Variants in PCDH9 observed in about 807,000 individuals in gnomAD.
PCDH9 encodes the protein protocadherin-9.
Under a neutral mutation model 70.6 loss-of-function variants are expected in PCDH9, and 24 were observed. The observed-to-expected ratio is 0.34, with a 90% CI of 0.25 to 0.48. PCDH9 has a LOEUF of 0.48. PCDH9 is among the 20% of genes least tolerant of loss of function. The pLI is 0.99. For missense variants in PCDH9, 1,281 were observed against 1,503.6 expected (o/e 0.85, Z 2.45); for synonymous variants, 562 against 558.5 (o/e 1.01, Z -0.09).
chr13:66,603,115 T>C (rs1290746201), intron 4 of PCDH9, among the ~76,000 whole-genome samples: 2 of 146,008 alleles, frequency 1.4e-5, no homozygotes, highest in African/African-American at 2.5e-5. Context: ...GATGCATGAC[T>C]ATACTCTGGA....
chr13:66,560,824 C>T lies in PCDH9; in HGVS notation c.3340+70386G>A, dbSNP rs536407369. On this transcript the variant is annotated intron_variant, in intron 4 of 4. Transcript: ENST00000377865. ...CTGCATTCTACCTGTAGAAAAGTGA[C>T]TCAACATCATTCCAGAAGTCCGGAA... 1.5e-4 allele frequency among the ~76,000 whole-genome samples: 23 copies of T among 152,344 alleles called. 1 individual carries two copies. The South Asian group carries it at 4.6e-3, about 30-fold the overall frequency.
intron 2 of PCDH9, among the ~76,000 whole-genome samples, chr13:67,027,258 C>T (rs2084802793): frequency 6.6e-6 from 1 of 152,086 alleles, no homozygotes; most frequent in Admixed American, 6.6e-5. Context: ...AGAAATAACG[C>T]CGCATATCCA....
At chr13:66,549,138 T>G (rs1961352098) in intron 4 of PCDH9, among the ~76,000 whole-genome samples, 1 of 152,082 alleles carries the variant, frequency 6.6e-6, no homozygotes, top group Admixed American at 6.6e-5. Context: ...TATATGTATT[T>G]AATGTATATA....
intron 4 of PCDH9, among the ~76,000 whole-genome samples, chr13:66,412,919 C>T (rs1957395545): frequency 6.6e-6 from 1 of 152,166 alleles, no homozygotes; most frequent in Non-Finnish European, 1.5e-5. Context: ...GCTAAACAAG[C>T]ACACACAGGG....
chr13:66,367,522 C>T (rs1956573873), intron 4 of PCDH9, among the ~76,000 whole-genome samples: 1 of 152,142 alleles, frequency 6.6e-6, no homozygotes, highest in African/African-American at 2.4e-5. Context: ...TTTAACTAAA[C>T]ATCCCTGACT....
chr13:66,419,766 T>G (rs1192187284), intron 4 of PCDH9, among the ~76,000 whole-genome samples: 2 of 146,110 alleles, frequency 1.4e-5, no homozygotes, highest in East Asian at 2.0e-4. Flanking sequence ...TGCAGGAGTT[T>G]TTTTTTTTTT....
At chr13:66,748,714 C>T (rs1049228898) in intron 3 of PCDH9, among the ~76,000 whole-genome samples, 1 of 152,126 alleles carries the variant, frequency 6.6e-6, no homozygotes, top group Admixed American at 6.5e-5. Flanking sequence ...TTATAATCAT[C>T]GTTATCACAG....
chr13:66,621,979 G>A (rs538864546), intron 4 of PCDH9, among the ~76,000 whole-genome samples: 56 of 152,354 alleles, frequency 3.7e-4, no homozygotes, highest in African/African-American at 1.3e-3. Context: ...GGGGCTGCGC[G>A]TGGGGCTTGC....
chr13:66,387,808 A>G (rs1350003009), intron 4 of PCDH9, among the ~76,000 whole-genome samples: 1 of 152,078 alleles, frequency 6.6e-6, no homozygotes, highest in East Asian at 1.9e-4. Context: ...TGCAGTTATT[A>G]CTTTTGTGAT....
intron 2 of PCDH9, among the ~76,000 whole-genome samples, chr13:66,952,713 C>T (rs1414782312): frequency 6.6e-6 from 1 of 152,162 alleles, no homozygotes; most frequent in East Asian, 1.9e-4. Context: ...AGGGCCCCAG[C>T]TCTGTGTAGG....
At chr13:67,138,563 C>T (rs192813422) in intron 2 of PCDH9, among the ~76,000 whole-genome samples, 1 of 152,286 alleles carries the variant, frequency 6.6e-6, no homozygotes, top group East Asian at 1.9e-4. Context: ...TTTACTTCAT[C>T]CTCTCCATTT....
chr13:66,721,239 A>G (rs1488008179), intron 3 of PCDH9, among the ~76,000 whole-genome samples: 1 of 152,186 alleles, frequency 6.6e-6, no homozygotes, highest in African/African-American at 2.4e-5. Flanking sequence ...ATGAACTTCC[A>G]TTTCCTGAAG....
intron 4 of PCDH9, among the ~76,000 whole-genome samples, chr13:66,546,567 A>C (rs1270253161): frequency 6.6e-6 from 1 of 152,234 alleles, no homozygotes; most frequent in Non-Finnish European, 1.5e-5. Context: ...TTGAAAGTTT[A>C]TAAAGTAAAA....
At chr13:66,916,256 A>G (rs1329348825) in intron 2 of PCDH9, among the ~76,000 whole-genome samples, 3 of 151,610 alleles carry the variant, frequency 2.0e-5, no homozygotes, top group Non-Finnish European at 4.4e-5. Flanking sequence ...ACTCTGCTCA[A>G]TGTTTCTCAC....
intron 2 of PCDH9, among the ~76,000 whole-genome samples, chr13:67,093,581 T>G (rs569576308): frequency 6.6e-6 from 1 of 152,288 alleles, no homozygotes; most frequent in South Asian, 2.1e-4. Context: ...AGTGTGATTA[T>G]TTCCTTGAAA....
Position 66,613,761 on chromosome 13 carries a change from C to T in PCDH9, c.3340+17449G>A, listed in dbSNP as rs554513035. Among the ~76,000 whole-genome samples, 120 of 19,100 alleles carry T rather than the reference C, an allele frequency of 6.3e-3. 3 individuals carry two copies. In the South Asian group the frequency reaches 0.39, roughly 61 times the overall value. The allele number at this position is 19,100 out of a possible 152,430, so 12.5% of individuals were successfully genotyped here. On this transcript the variant is annotated intron_variant, in intron 4 of 4. Transcript: ENST00000377865. ...CTGTGTGCGATGTCTGTAAAAAGAG[C>T]TCAATTAATTTGGCCTAAATAAAGA...
At chr13:66,702,924 T>C (rs890450476) in intron 3 of PCDH9, among the ~76,000 whole-genome samples, 20 of 152,170 alleles carry the variant, frequency 1.3e-4, no homozygotes, top group Admixed American at 1.3e-4. Context: ...AGACTTCTAG[T>C]GATAGAAATA....
intron 3 of PCDH9, among the ~76,000 whole-genome samples, chr13:66,641,646 C>G (rs956756122): frequency 6.6e-6 from 1 of 151,992 alleles, no homozygotes; most frequent in African/African-American, 2.4e-5. Flanking sequence ...CCATATAGAA[C>G]ACACAAAAAA....
intron 2 of PCDH9, among the ~76,000 whole-genome samples, chr13:67,034,835 A>T (rs545790333): frequency 6.6e-6 from 1 of 152,232 alleles, no homozygotes; most frequent in East Asian, 1.9e-4. Context: ...TTATTACTAA[A>T]TGCCTATAAG....
Sources: gnomAD v4.1 joint callset for allele counts (sites outside exome capture counted in the v4.1 genomes callset) on GRCh38, gnomAD v4.1.1 for gene constraint, MANE v1.5 for transcripts, NCBI Gene and HGNC (gene_info 2026-07-23, HGNC 2026-07-21) for gene names.